GGPS1: variants seen among roughly 807,000 people sequenced by gnomAD.
GGPS1 encodes geranylgeranyl diphosphate synthase 1.
A neutral mutation model predicts 28.1 loss-of-function variants in GGPS1; 15 were observed. That is an observed-to-expected ratio of 0.53 (90% confidence interval 0.36 to 0.82). The LOEUF is 0.82. Among genes scored for constraint, GGPS1 ranks in the 40% least tolerant of loss-of-function variants. The pLI is 0.01. For synonymous variants in GGPS1, 138 were observed against 122.4 expected (o/e 1.13, Z -0.84); for missense variants, 284 against 348.3 (o/e 0.82, Z 1.47).
intron 2 of GGPS1, among the ~76,000 whole-genome samples, chr1:235,339,473 C>CACAA (rs548474481): frequency 6.6e-5 from 10 of 151,284 alleles, no homozygotes; most frequent in East Asian, 2.0e-4. Flanking sequence ...ACTTCATCTC[C>CACAA]ACAAACAAAC....
At chr1:235,336,044 T>C (rs1675853438) in intron 2 of GGPS1, among the ~76,000 whole-genome samples, 1 of 152,278 alleles carries the variant, frequency 6.6e-6, no homozygotes, top group Admixed American at 6.5e-5. Context: ...ACCTTGGACA[T>C]GGCTTCCTAC....
At chr1:235,328,232 AT>A (rs376818385), upstream of GGPS1, 1,008 of 108,214 alleles carry the variant, frequency 9.3e-3, 11 homozygotes, top group South Asian at 0.099. Flanking sequence ...CCTCCCCTAG[AT>A]TTTTTTTCCC....
intron 2 of GGPS1, chr1:235,337,084 C>T (rs1452739514): frequency 2.4e-5 from 4 of 167,384 alleles, no homozygotes; most frequent in Non-Finnish European, 5.8e-5. Context: ...CAGTATCTCC[C>T]AGTGAGAAAC....
rs762730649 is a variant in GGPS1, at chr1:235,342,684, A to G, written c.815A>G (p.Tyr272Cys). 1.5e-5 allele frequency: 24 copies of G among 1,609,840 alleles called. No homozygotes were observed. The highest frequency in any genetic ancestry group is 1.4e-5 in the Non-Finnish European group (16 of 1,176,428). ...NTLKELEAKA[Y>C]KQIDARGGNP... ...CTTAAAGAGCTTGAAGCTAAAGCCT[A>G]TAAACAGATTGATGCACGTGGTGGG... The change falls in exon 4 of 4, where the codon TAT becomes TGT. Residue 272 changes from tyrosine to cysteine, a missense_variant. Tyr to Cys is a radical substitution (Grantham distance 194). Transcript: ENST00000282841.
chr1:235,341,836 A>T (rs984608621), intron 3 of GGPS1, 58 bp downstream of exon 3: 3 of 1,052,834 alleles, frequency 2.8e-6, no homozygotes, highest in Non-Finnish European at 4.4e-6. Context: ...TCGCATAAAA[A>T]TATTCCTAGT....
At chr1:235,334,441 A>G (rs546336836) in intron 1 of GGPS1, among the ~76,000 whole-genome samples, 37 of 152,330 alleles carry the variant, frequency 2.4e-4, no homozygotes, top group Non-Finnish European at 3.2e-4. Flanking sequence ...TGAATGAAGA[A>G]TTTTCTAATT....
At chr1:235,336,396 AAAG>A (rs1409606106) in intron 2 of GGPS1, among the ~76,000 whole-genome samples, 12 of 152,228 alleles carry the variant, frequency 7.9e-5, no homozygotes, top group African/African-American at 2.2e-4. Flanking sequence ...ACTCAAAAAA[AAAG>A]AAGAACTTGT....
chr1:235,330,507 T>G (rs1045878178), intron 1 of GGPS1: 8 of 152,154 alleles, frequency 5.3e-5, no homozygotes, highest in Non-Finnish European at 8.8e-5. Context: ...CAAGGCAAGT[T>G]GGTTGTCGAT....
intron 2 of GGPS1, among the ~76,000 whole-genome samples, chr1:235,337,573 C>T (rs529077483): frequency 1.3e-5 from 2 of 152,224 alleles, no homozygotes; most frequent in African/African-American, 4.8e-5. Context: ...GTCATTTATA[C>T]TGTTGTAATA....
At chr1:235,333,532 G>A (rs1369036186) in intron 1 of GGPS1, among the ~76,000 whole-genome samples, 1 of 149,610 alleles carries the variant, frequency 6.7e-6, no homozygotes, top group African/African-American at 2.5e-5. Context: ...TTGCGCCACT[G>A]CACTCCAGCC....
In GGPS1 at chr1:235,342,316, G is replaced by GC. The variant is rs1311180154; in HGVS notation, c.448dup (p.Gln150ProfsTer19). 6.2e-7 allele frequency: 1 copy of GC among 1,613,640 alleles called. No homozygotes were observed. Among genetic ancestry groups the GC allele is most frequent in the African/African-American group, 1.3e-5 (1 of 74,926 alleles). ...AAGAAGAATATAAAGCTATGGTGCT[G>GC]CAGAAAACAGGTGGACTGTTTGGAT... On this transcript the variant is annotated frameshift_variant, in exon 4 of 4. Transcript: ENST00000282841. LOFTEE classifies it high-confidence loss of function.
At chr1:235,337,803 T>G (rs948697715) in intron 2 of GGPS1, among the ~76,000 whole-genome samples, 2 of 148,926 alleles carry the variant, frequency 1.3e-5, no homozygotes, top group African/African-American at 5.0e-5. Flanking sequence ...GGCAACAGAG[T>G]GAGACACTGT....
At chr1:235,339,495 A>C (rs184506347) in intron 2 of GGPS1, among the ~76,000 whole-genome samples, 84 of 151,748 alleles carry the variant, frequency 5.5e-4, no homozygotes, top group South Asian at 3.8e-3. Context: ...AACAAACAAA[A>C]AAACCCATAA....
In GGPS1 at chr1:235,342,748, G is replaced by T. The variant is rs976280259; in HGVS notation, c.879G>T (p.Lys293Asn). ...TAGCCTTAGTAAAACACTTAAGTAA[G>T]ATGTTCAAAGAAGAAAATGAATAAT... Reference protein sequence around the residue: ...ELVALVKHLSKMFKEENE With the variant: ...ELVALVKHLSNMFKEENE The change falls in exon 4 of 4, where the codon AAG (lysine) becomes AAT (asparagine). Residue 293 changes from lysine to asparagine, a missense_variant. Coordinates refer to ENST00000282841, the MANE Select transcript of GGPS1 (RefSeq NM_004837.4). 6.3e-7 allele frequency: 1 copy of T among 1,581,358 alleles called. No homozygotes were observed. Among genetic ancestry groups the T allele is most frequent in the African/African-American group, 1.4e-5 (1 of 73,202 alleles).
At chr1:235,331,030 C>T (rs1675699741) in intron 1 of GGPS1, among the ~76,000 whole-genome samples, 1 of 152,126 alleles carries the variant, frequency 6.6e-6, no homozygotes, top group Admixed American at 6.6e-5. Context: ...AATAAGGTCA[C>T]GTGTCAGAGA....
chr1:235,335,826 T>C (rs1675845968), intron 2 of GGPS1, among the ~76,000 whole-genome samples: 3 of 152,238 alleles, frequency 2.0e-5, no homozygotes, highest in Non-Finnish European at 4.4e-5. Context: ...GTTTAGATAT[T>C]AGGGGAAGTT....
At chr1:235,341,871 C>G (rs1037503833) in intron 3 of GGPS1, 93 bp downstream of exon 3, 1 of 917,046 alleles carries the variant, frequency 1.1e-6, no homozygotes, top group Admixed American at 2.3e-5. Flanking sequence ...AGTCCTCATG[C>G]AAGATATTAT....
intron 1 of GGPS1, among the ~76,000 whole-genome samples, chr1:235,333,567 CAA>C: frequency 1.5e-5 from 2 of 130,320 alleles, no homozygotes; most frequent in East Asian, 4.5e-4. Flanking sequence ...AACTCCGTCT[CAA>C]AAAAAAAAAA....
At chr1:235,336,624 CTG>C (rs1675871818) in intron 2 of GGPS1, among the ~76,000 whole-genome samples, 1 of 151,900 alleles carries the variant, frequency 6.6e-6, no homozygotes, top group Non-Finnish European at 1.5e-5. Context: ...GTCCCCCTCT[CTG>C]TTTTAAACAT....
Sources: gnomAD v4.1 joint callset for allele counts (sites outside exome capture counted in the v4.1 genomes callset) on GRCh38, gnomAD v4.1.1 for gene constraint, MANE v1.5 for transcripts, NCBI Gene and HGNC (gene_info 2026-07-23, HGNC 2026-07-21) for gene names.